FCHSD2: variants seen among roughly 807,000 people sequenced by gnomAD.
FCHSD2 encodes the protein F-BAR and double SH3 domains protein 2.
Under a neutral mutation model 108.1 loss-of-function variants are expected in FCHSD2, and 38 were observed. That is an observed-to-expected ratio of 0.35 (90% CI 0.27 to 0.46). FCHSD2 has a LOEUF of 0.46. Ranked by LOEUF, FCHSD2 falls within the 20% of genes least tolerant of loss-of-function variation. FCHSD2 has a pLI of 1.00. For missense variants in FCHSD2, 751 were observed against 897.8 expected (o/e 0.84, Z 2.09); for synonymous variants, 279 against 314.7 (o/e 0.89, Z 1.20).
At chr11:72,960,748 G>T (rs1021555354) in intron 8 of FCHSD2, among the ~76,000 whole-genome samples, 1 of 152,168 alleles carries the variant, frequency 6.6e-6, no homozygotes, top group African/African-American at 2.4e-5. Flanking sequence ...TGGAGAAAGG[G>T]TATGGGGCAA....
chr11:73,079,200 A>T (rs1330623039), intron 3 of FCHSD2, among the ~76,000 whole-genome samples: 1 of 143,362 alleles, frequency 7.0e-6, no homozygotes. Flanking sequence ...AAGAGAAATA[A>T]TTTTTTTTTT....
At chr11:73,017,743 A>G (rs1003744608) in intron 3 of FCHSD2, among the ~76,000 whole-genome samples, 1 of 152,172 alleles carries the variant, frequency 6.6e-6, no homozygotes, top group African/African-American at 2.4e-5. Context: ...GCATGAAAAT[A>G]TCTTCTAACC....
chr11:72,857,305 C>T (rs1861450449), intron 13 of FCHSD2, among the ~76,000 whole-genome samples: 1 of 152,212 alleles, frequency 6.6e-6, no homozygotes, highest in Non-Finnish European at 1.5e-5. Context: ...TCTAAAATCA[C>T]ATGCTTCCTC....
At chr11:72,938,019 G>A (rs574734100) in intron 8 of FCHSD2, among the ~76,000 whole-genome samples, 1 of 152,318 alleles carries the variant, frequency 6.6e-6, no homozygotes, top group South Asian at 2.1e-4. Context: ...TAAGGAGTAT[G>A]TCTAAGAAGT....
rs552840851 is a variant in FCHSD2 at position 73,133,716 on chromosome 11, C to A, written c.119+6315G>T. Among the ~76,000 whole-genome samples, 13 of 148,728 alleles carry A rather than the reference C, an allele frequency of 8.7e-5. No homozygotes were observed. The East Asian group carries it at 2.6e-3, about 29-fold the overall frequency. Reference sequence around the variant, plus strand: ...GAGGCTGAGGCAGAATTGCATGAACCCAGGAGGCGGAGGTTACAACGAGCC... The same window carrying A: ...GAGGCTGAGGCAGAATTGCATGAACACAGGAGGCGGAGGTTACAACGAGCC... On this transcript the variant is annotated intron_variant, in intron 2 of 19. Coordinates refer to ENST00000409418, the MANE Select transcript of FCHSD2 (RefSeq NM_014824.3).
chr11:72,895,764 C>T (rs141143422), intron 10 of FCHSD2, among the ~76,000 whole-genome samples: 4 of 152,294 alleles, frequency 2.6e-5, no homozygotes, highest in Non-Finnish European at 5.9e-5. Flanking sequence ...TTCTAAAACG[C>T]AACACTCATG....
chr11:72,906,640 A>G (rs550503278), intron 9 of FCHSD2, among the ~76,000 whole-genome samples: 29 of 152,320 alleles, frequency 1.9e-4, no homozygotes, highest in African/African-American at 6.5e-4. Context: ...AGCTTTCTAC[A>G]TATAGCTAGC....
chr11:73,130,874 C>T (rs1009547769), intron 2 of FCHSD2, among the ~76,000 whole-genome samples: 1 of 151,978 alleles, frequency 6.6e-6, no homozygotes, highest in African/African-American at 2.4e-5. Context: ...CTTTTTTTCC[C>T]TCTCTTAAAG....
At chr11:73,042,679 CA>C (rs1484406764) in intron 3 of FCHSD2, among the ~76,000 whole-genome samples, 1 of 152,144 alleles carries the variant, frequency 6.6e-6, no homozygotes, top group African/African-American at 2.4e-5. Context: ...TTCATTCTTC[CA>C]GTCCATAAGC....
chr11:73,014,987 G>C (rs903648914), intron 4 of FCHSD2, among the ~76,000 whole-genome samples: 2 of 152,066 alleles, frequency 1.3e-5, no homozygotes, highest in African/African-American at 4.8e-5. Context: ...GCGATTACAG[G>C]TGCCCGCCAC....
chr11:72,967,778 CTAAT>C (rs1433538302), intron 8 of FCHSD2, among the ~76,000 whole-genome samples: 1 of 152,044 alleles, frequency 6.6e-6, no homozygotes, highest in Non-Finnish European at 1.5e-5. Flanking sequence ...TGAATTATAT[CTAAT>C]TTTTTTTAAA....
Position 72,883,542 on chromosome 11 carries a change from C to T in FCHSD2, c.1146+3928G>A, listed in dbSNP as rs11828852. Among the ~76,000 whole-genome samples the T allele has an allele frequency of 2.6e-3, 390 of 152,288 alleles. 1 individual carries two copies. Among genetic ancestry groups the T allele is most frequent in the African/African-American group, 9.0e-3 (375 of 41,552 alleles). ...AGGGCTAAAAACTTATAAAAAGATG[C>T]TCAGCATAGTTAGTTAATGTCACTA... On this transcript the variant is annotated intron_variant, in intron 12 of 19. Coordinates refer to ENST00000409418, the MANE Select transcript of FCHSD2 (RefSeq NM_014824.3).
chr11:73,037,010 A>G (rs564816913), intron 3 of FCHSD2, among the ~76,000 whole-genome samples: 1 of 152,340 alleles, frequency 6.6e-6, no homozygotes, highest in African/African-American at 2.4e-5. Flanking sequence ...ACTGCCAAAT[A>G]CTGATATCAA....
intron 12 of FCHSD2, among the ~76,000 whole-genome samples, chr11:72,869,910 T>C (rs1476279865): frequency 1.3e-5 from 2 of 152,130 alleles, no homozygotes; most frequent in African/African-American, 4.8e-5. Context: ...CTCCTGACTG[T>C]CTACTGAGTA....
At chr11:73,111,615 G>C (rs1860488027) in intron 2 of FCHSD2, among the ~76,000 whole-genome samples, 1 of 151,880 alleles carries the variant, frequency 6.6e-6, no homozygotes, top group Non-Finnish European at 1.5e-5. Context: ...TGTTGTTACT[G>C]ATAAAGACTT....
At chr11:73,110,156 T>G (rs1471509446) in intron 2 of FCHSD2, among the ~76,000 whole-genome samples, 2 of 147,798 alleles carry the variant, frequency 1.4e-5, no homozygotes, top group African/African-American at 4.9e-5. Context: ...TCTTCTTTTT[T>G]TTTTTGATGT....
chr11:72,855,125 T>G (rs1297425673), intron 13 of FCHSD2, among the ~76,000 whole-genome samples: 1 of 152,112 alleles, frequency 6.6e-6, no homozygotes, highest in African/African-American at 2.4e-5. Context: ...AATACAAAAT[T>G]AGCCGGGTGT....
At chr11:73,103,396 C>T (rs1039845878) in intron 2 of FCHSD2, among the ~76,000 whole-genome samples, 5 of 152,120 alleles carry the variant, frequency 3.3e-5, no homozygotes, top group African/African-American at 1.2e-4. Context: ...AAAACTTAAC[C>T]TGCTTCCATT....
chr11:72,943,045 G>A (rs796567950), intron 8 of FCHSD2, among the ~76,000 whole-genome samples: 11 of 152,312 alleles, frequency 7.2e-5, no homozygotes, highest in African/African-American at 2.6e-4. Flanking sequence ...ACGCTGGAGT[G>A]CAATGGTGCG....
Sources: gnomAD v4.1 joint callset for allele counts (sites outside exome capture counted in the v4.1 genomes callset) on GRCh38, gnomAD v4.1.1 for gene constraint, MANE v1.5 for transcripts, NCBI Gene and HGNC (gene_info 2026-07-23, HGNC 2026-07-21) for gene names.